KAZN: variants seen among roughly 807,000 people sequenced by gnomAD.
The protein encoded by KAZN is kazrin.
KAZN carries 40 observed loss-of-function variants against 87.4 expected under a neutral mutation model. The ratio of observed to expected loss-of-function variants is 0.46; its 90% CI spans 0.36 to 0.60. KAZN has a LOEUF of 0.60. Among genes scored for constraint, KAZN ranks in the 20% least tolerant of loss-of-function variants. The pLI, the probability that KAZN is intolerant of heterozygous loss-of-function variation, is 0.00. For missense variants in KAZN, 898 were observed against 1,073.9 expected (o/e 0.84, Z 2.29); for synonymous variants, 466 against 458.3 (o/e 1.02, Z -0.22).
intron 1 of KAZN, among the ~76,000 whole-genome samples, chr1:14,950,003 A>C (rs1247413849): frequency 6.6e-6 from 1 of 152,068 alleles, no homozygotes; most frequent in Non-Finnish European, 1.5e-5. Flanking sequence ...GACGGTTTCA[A>C]CACCACCTAA....
chr1:13,909,889 G>A (rs1043540940), intron 1 of KAZN, among the ~76,000 whole-genome samples: 4 of 152,158 alleles, frequency 2.6e-5, no homozygotes, highest in South Asian at 4.1e-4. Context: ...CAGGGAATCC[G>A]CTTCAAATGT....
chr1:14,704,381 A>G (rs2148810985), intron 1 of KAZN, among the ~76,000 whole-genome samples: 1 of 152,358 alleles, frequency 6.6e-6, no homozygotes. Context: ...AGCCAGGCCA[A>G]TTTGGAATGC....
At chr1:14,069,547 A>T (rs1643159122) in intron 1 of KAZN, among the ~76,000 whole-genome samples, 2 of 152,186 alleles carry the variant, frequency 1.3e-5, no homozygotes, top group African/African-American at 4.8e-5. Context: ...GTGATCTGTT[A>T]TTTGGAGCCA....
chr1:14,759,706 G>A (rs375070629), intron 1 of KAZN, among the ~76,000 whole-genome samples: 65 of 152,294 alleles, frequency 4.3e-4, no homozygotes, highest in Middle Eastern at 3.4e-3. Context: ...CAGAGGATGC[G>A]ATCTGGAGTC....
intron 2 of KAZN, among the ~76,000 whole-genome samples, chr1:14,318,866 G>A (rs575218561): frequency 3.6e-4 from 55 of 151,554 alleles, no homozygotes; most frequent in Admixed American, 1.5e-3. Flanking sequence ...GACTTCATTG[G>A]TTCTTTATAT....
rs1382542262 is a variant in KAZN at position 14,110,629 on chromosome 1, CTT to C, written c.92-69803_92-69802del. On this transcript the variant is annotated intron_variant, in intron 1 of 16. Coordinates refer to the KAZN transcript ENST00000636203. ...ACATTATTTTTCAGATCTCAAGAAACTTTTCTCCTTTGAAAAGCTCACAGGCT... is the reference window on the plus strand; with the variant it reads ...ACATTATTTTTCAGATCTCAAGAAACTTCTCCTTTGAAAAGCTCACAGGCT... 1.9e-4 allele frequency among the ~76,000 whole-genome samples: 15 copies of C among 78,048 alleles called. 2 individuals carry two copies. The highest frequency in any genetic ancestry group is 8.7e-4 in the South Asian group (2 of 2,292). 51.2% of individuals were successfully genotyped at this position (78,048 alleles called of 152,430 possible).
Position 14,839,272 on chromosome 1 carries a change from G to T in KAZN, c.227-121412G>T, listed in dbSNP as rs147998810. Among the ~76,000 whole-genome samples the T allele has an allele frequency of 2.5e-3, 379 of 152,234 alleles. 1 individual carries two copies. Among genetic ancestry groups the T allele is most frequent in the African/African-American group, 8.6e-3 (356 of 41,522 alleles). ...AAATCCTAGCCCCATTCCTTTGCTA[G>T]GTGAGAGACTCTAGACAAGTCCCCC... On this transcript the variant is annotated intron_variant, in intron 1 of 14. Transcript: ENST00000376030.
intron 1 of KAZN, among the ~76,000 whole-genome samples, chr1:14,638,982 C>T (rs1680218215): frequency 6.6e-6 from 1 of 152,208 alleles, no homozygotes; most frequent in Non-Finnish European, 1.5e-5. Context: ...TCCAACCCTT[C>T]CTCAGTTTAC....
chr1:14,267,787 C>T (rs575055335), intron 2 of KAZN, among the ~76,000 whole-genome samples: 16 of 152,192 alleles, frequency 1.1e-4, no homozygotes, highest in Admixed American at 2.6e-4. Context: ...TGGAGAAACC[C>T]TGTCTCCACT....
intron 1 of KAZN, among the ~76,000 whole-genome samples, chr1:14,100,866 G>T (rs1644234267): frequency 6.6e-6 from 1 of 152,122 alleles, no homozygotes; most frequent in East Asian, 1.9e-4. Context: ...TCATGGGATG[G>T]GTCTTTCCCG....
chr1:14,837,239 C>A (rs1454271972), intron 1 of KAZN, among the ~76,000 whole-genome samples: 4 of 152,168 alleles, frequency 2.6e-5, no homozygotes, highest in African/African-American at 9.7e-5. Flanking sequence ...GCTGTTGTTG[C>A]CCAGGCTGGA....
chr1:14,736,257 GTGTGTGTGTGTGTGTGTGT>G (rs1643896962), intron 1 of KAZN, among the ~76,000 whole-genome samples: 5 of 99,532 alleles, frequency 5.0e-5, no homozygotes, highest in Admixed American at 1.9e-4. Context: ...ACTCAAGGGT[GTGTGTGTGTGTGTGTGTGT>G]GTGTGTGTGT....
At chr1:14,584,930 A>T (rs1675764315) in intron 2 of KAZN, among the ~76,000 whole-genome samples, 2 of 152,214 alleles carry the variant, frequency 1.3e-5, no homozygotes, top group African/African-American at 4.8e-5. Context: ...GGCATGAGCC[A>T]CTGGGACTGG....
chr1:14,463,039 C>T (rs12564154), intron 2 of KAZN, among the ~76,000 whole-genome samples: 17,240 of 152,158 alleles, frequency 0.11, 1,107 homozygotes, highest in Middle Eastern at 0.2. Flanking sequence ...GGATTGGCAA[C>T]TTACGAGCTC....
At chr1:14,818,156 G>A (rs562320959) in intron 1 of KAZN, among the ~76,000 whole-genome samples, 2 of 152,358 alleles carry the variant, frequency 1.3e-5, no homozygotes, top group South Asian at 2.1e-4. Context: ...TGAGCGACAT[G>A]TTTGCAAGTC....
intron 1 of KAZN, among the ~76,000 whole-genome samples, chr1:14,141,658 G>T (rs1645242799): frequency 6.6e-6 from 1 of 152,164 alleles, no homozygotes; most frequent in African/African-American, 2.4e-5. Flanking sequence ...TTGAGACCCT[G>T]TGGGGTCGGG....
chr1:14,972,956 C>T (rs1370902949), intron 2 of KAZN, among the ~76,000 whole-genome samples: 3 of 151,970 alleles, frequency 2.0e-5, no homozygotes, highest in Non-Finnish European at 2.9e-5. Flanking sequence ...CAAAACGTAT[C>T]GAGCACCTCC....
chr1:14,195,309 C>T (rs1310970548), intron 2 of KAZN, among the ~76,000 whole-genome samples: 1 of 152,054 alleles, frequency 6.6e-6, no homozygotes, highest in Non-Finnish European at 1.5e-5. Context: ...TCCACCCTCC[C>T]TTCTTTATCT....
intron 2 of KAZN, among the ~76,000 whole-genome samples, chr1:14,363,061 A>G (rs570803429): frequency 3.9e-5 from 6 of 152,268 alleles, no homozygotes; most frequent in African/African-American, 1.4e-4. Flanking sequence ...TAGACCTTCA[A>G]GAACTGGCTC....
Sources: gnomAD v4.1 joint callset for allele counts (sites outside exome capture counted in the v4.1 genomes callset) on GRCh38, gnomAD v4.1.1 for gene constraint, MANE v1.5 for transcripts, NCBI Gene and HGNC (gene_info 2026-07-23, HGNC 2026-07-21) for gene names.